ZNF407: variants seen among roughly 807,000 people sequenced by gnomAD.
ZNF407 encodes the protein zinc finger protein 407.
In ZNF407, 17 loss-of-function variants were observed where a neutral mutation model predicts 131.2. That is an observed-to-expected ratio of 0.13 (90% CI 0.09 to 0.19). ZNF407 has a LOEUF of 0.19. ZNF407 is among the 10% of genes least tolerant of loss of function. The probability of loss-of-function intolerance (pLI) is 1.00; values close to 1 mark genes in which losing one functional copy is unlikely to be tolerated. For missense variants in ZNF407, 2,681 were observed against 2,830.6 expected (o/e 0.95, Z 1.20); for synonymous variants, 1,156 against 1,062.0 (o/e 1.09, Z -1.72).
At chr18:74,912,919 T>A (rs892315324) in intron 7 of ZNF407, among the ~76,000 whole-genome samples, 2 of 151,956 alleles carry the variant, frequency 1.3e-5, no homozygotes, top group Non-Finnish European at 2.9e-5. Context: ...ACAAAGAAAA[T>A]ATACATTGCT....
chr18:74,804,038 A>C (rs1393599198), intron 4 of ZNF407: 22 of 1,551,736 alleles, frequency 1.4e-5, no homozygotes, highest in Non-Finnish European at 1.7e-5. Context: ...AGTGCCTCTG[A>C]AGCCCAAAGT....
At chr18:74,811,485 T>A (rs12957515) in intron 4 of ZNF407, among the ~76,000 whole-genome samples, 19,208 of 151,986 alleles carry the variant, frequency 0.13, 2,068 homozygotes, top group African/African-American at 0.29. Flanking sequence ...AGGTATCTAG[T>A]ACTAGAAATA....
intron 8 of ZNF407, among the ~76,000 whole-genome samples, chr18:75,037,871 T>C (rs1286613321): frequency 6.6e-6 from 1 of 152,224 alleles, no homozygotes; most frequent in Non-Finnish European, 1.5e-5. Flanking sequence ...CACGTGCTCA[T>C]TGCTCTTCCC....
chr18:74,773,529 G>A (rs577459503), intron 3 of ZNF407, among the ~76,000 whole-genome samples: 3 of 152,202 alleles, frequency 2.0e-5, no homozygotes, highest in South Asian at 4.2e-4. Context: ...ACTATCAGTG[G>A]AAGCCAAGTT....
At chr18:74,952,567 C>T (rs979154626) in intron 8 of ZNF407, among the ~76,000 whole-genome samples, 3 of 152,054 alleles carry the variant, frequency 2.0e-5, no homozygotes, top group African/African-American at 7.2e-5. Flanking sequence ...GGAAAAGAGG[C>T]AGAAAGAGGA....
At chr18:74,823,027 C>T (rs186406720) in intron 4 of ZNF407, among the ~76,000 whole-genome samples, 117 of 152,196 alleles carry the variant, frequency 7.7e-4, no homozygotes, top group Non-Finnish European at 1.4e-3. Context: ...CTCTTTGTAG[C>T]GATTGTGAAT....
chr18:75,010,424 T>C (rs1568299862), intron 8 of ZNF407, among the ~76,000 whole-genome samples: 1 of 152,072 alleles, frequency 6.6e-6, no homozygotes, highest in African/African-American at 2.4e-5. Context: ...ACAACTAAAT[T>C]CCCAAAAACA....
At chr18:74,995,485 C>T (rs1183926454) in intron 8 of ZNF407, among the ~76,000 whole-genome samples, 1 of 152,204 alleles carries the variant, frequency 6.6e-6, no homozygotes, top group Non-Finnish European at 1.5e-5. Flanking sequence ...AACCTTAACA[C>T]TGATCCTCAC....
chr18:74,779,032 A>G (rs1969534991), intron 3 of ZNF407, among the ~76,000 whole-genome samples: 1 of 142,276 alleles, frequency 7.0e-6, no homozygotes, highest in Non-Finnish European at 1.5e-5. Flanking sequence ...GTAACCACAT[A>G]TGGCTGTCAA....
At chr18:74,667,689 C>T (rs1485120345) in intron 3 of ZNF407, among the ~76,000 whole-genome samples, 1 of 152,180 alleles carries the variant, frequency 6.6e-6, no homozygotes, top group East Asian at 1.9e-4. Context: ...CCATAGGTCT[C>T]CCCATCTAAG....
At position 74,852,889 on chromosome 18, in the gene ZNF407, A is replaced by G. The variant is rs183126955; in HGVS notation, c.4878-24308A>G. 9.2e-5 allele frequency among the ~76,000 whole-genome samples: 14 copies of G among 152,288 alleles called. No homozygotes were observed. The East Asian group carries it at 2.7e-3, about 29-fold the overall frequency. The stretch of plus-strand genomic sequence containing the variant: ...TCACTTCTGAAATACATTTATTACA[A>G]TTTTCTAAATCTTGTATTATGTATA... On this transcript the variant is annotated intron_variant, in intron 4 of 8. Transcript: ENST00000299687.
At chr18:74,765,597 T>G (rs1486591405) in intron 3 of ZNF407, among the ~76,000 whole-genome samples, 5 of 152,168 alleles carry the variant, frequency 3.3e-5, no homozygotes, top group African/African-American at 1.2e-4. Context: ...CCAAACACTA[T>G]TTTTTTCTTT....
chr18:74,980,357 G>C lies in ZNF407; in HGVS notation c.5428+59665G>C, dbSNP rs537220448. Among the ~76,000 whole-genome samples the C allele has an allele frequency of 3.8e-3, 579 of 151,916 alleles. 9 individuals carry two copies. The highest frequency in any genetic ancestry group is 0.013 in the African/African-American group (550 of 41,394). On this transcript the variant is annotated intron_variant, in intron 8 of 8. Coordinates refer to ENST00000299687, the MANE Select transcript of ZNF407 (RefSeq NM_017757.3). The stretch of plus-strand genomic sequence containing the variant: ...AGTTTCGCTCTTGTGGCCCAGGCTG[G>C]AGTGCAACGGCGTGACCTCAGCTCA...
chr18:74,620,335 A>G (rs920036814), intron 1 of ZNF407, among the ~76,000 whole-genome samples: 2 of 152,192 alleles, frequency 1.3e-5, no homozygotes, highest in Non-Finnish European at 2.9e-5. Flanking sequence ...AGCTGTTAGT[A>G]CATCTGCATG....
intron 4 of ZNF407, among the ~76,000 whole-genome samples, chr18:74,842,906 A>G (rs1163809448): frequency 6.6e-6 from 1 of 151,984 alleles, no homozygotes; most frequent in Non-Finnish European, 1.5e-5. Flanking sequence ...TAGTAGAGAC[A>G]GGGTTTCTGC....
At chr18:74,736,316 T>G (rs185240070) in intron 3 of ZNF407, among the ~76,000 whole-genome samples, 1 of 152,302 alleles carries the variant, frequency 6.6e-6, no homozygotes, top group East Asian at 1.9e-4. Context: ...AAGATAGGAT[T>G]AGAATAATTA....
intron 3 of ZNF407, among the ~76,000 whole-genome samples, chr18:74,749,943 T>C (rs895447159): frequency 2.0e-5 from 3 of 152,160 alleles, no homozygotes; most frequent in Admixed American, 1.3e-4. Context: ...TTTTTGGAAC[T>C]TTTCTAAGGC....
At chr18:74,670,556 CTA>C (rs1373443691) in intron 3 of ZNF407, among the ~76,000 whole-genome samples, 1 of 152,186 alleles carries the variant, frequency 6.6e-6, no homozygotes, top group East Asian at 1.9e-4. Context: ...GAATAAAAAA[CTA>C]TTCCAAAAAA....
At chr18:74,991,438 A>G (rs1055652671) in intron 8 of ZNF407, among the ~76,000 whole-genome samples, 2 of 152,226 alleles carry the variant, frequency 1.3e-5, no homozygotes, top group Admixed American at 6.5e-5. Context: ...TCTAATAGCA[A>G]TTAGGCCATT....
Sources: gnomAD v4.1 joint callset for allele counts (sites outside exome capture counted in the v4.1 genomes callset) on GRCh38, gnomAD v4.1.1 for gene constraint, MANE v1.5 for transcripts, NCBI Gene and HGNC (gene_info 2026-07-23, HGNC 2026-07-21) for gene names.